KPNA1: variants seen among roughly 807,000 people sequenced by gnomAD.
KPNA1 encodes importin subunit alpha-5.
Under a neutral mutation model 70.5 loss-of-function variants are expected in KPNA1, and 10 were observed. The ratio of observed to expected loss-of-function variants is 0.14; its 90% CI spans 0.09 to 0.24. KPNA1 has a LOEUF of 0.24. KPNA1 is among the 10% of genes least tolerant of loss of function. The pLI is 1.00. For synonymous variants in KPNA1, 192 were observed against 221.9 expected, an observed-to-expected ratio of 0.87 and a Z score of 1.20; for missense variants, 397 against 637.9, an observed-to-expected ratio of 0.62 and a Z score of 4.07.
At chr3:122,454,184 GA>G (rs1386362910) in intron 5 of KPNA1, among the ~76,000 whole-genome samples, 183 bp from the exon 6 acceptor site, 1 of 152,114 alleles carries the variant, frequency 6.6e-6, no homozygotes, top group Non-Finnish European at 1.5e-5. Context: ...CAACCTAGAA[GA>G]ATATTCAGGG....
At chr3:122,498,201 T>C (rs1024734848) in intron 1 of KPNA1, among the ~76,000 whole-genome samples, 2 of 152,244 alleles carry the variant, frequency 1.3e-5, no homozygotes, top group African/African-American at 4.8e-5. Flanking sequence ...AAAATTCATA[T>C]GTTAAATCCT....
chr3:122,480,373 G>T (rs1474620175), intron 2 of KPNA1, among the ~76,000 whole-genome samples: 1 of 152,080 alleles, frequency 6.6e-6, no homozygotes, highest in Admixed American at 6.6e-5. Context: ...ATGCATGTGT[G>T]GGGGCAGAGA....
chr3:122,478,618 AG>A (rs1349947659), intron 2 of KPNA1, among the ~76,000 whole-genome samples: 1 of 151,774 alleles, frequency 6.6e-6, no homozygotes, highest in Non-Finnish European at 1.5e-5. Flanking sequence ...GCTACTCAGG[AG>A]GCTGAGGCAG....
chr3:122,494,325 G>A (rs559388850), intron 2 of KPNA1, among the ~76,000 whole-genome samples: 1 of 152,136 alleles, frequency 6.6e-6, no homozygotes, highest in South Asian at 2.1e-4. Context: ...ATATGGTAGG[G>A]GTACAGTTTC....
intron 2 of KPNA1, among the ~76,000 whole-genome samples, chr3:122,489,260 CTT>C (rs1461725356): frequency 2.0e-5 from 3 of 149,816 alleles, no homozygotes; most frequent in Admixed American, 6.7e-5. Flanking sequence ...CAAATTGAGT[CTT>C]TTTATACCTT....
intron 2 of KPNA1, among the ~76,000 whole-genome samples, chr3:122,470,410 G>A (rs555050573): frequency 7.2e-5 from 11 of 151,906 alleles, no homozygotes; most frequent in African/African-American, 1.5e-4. Context: ...TACCCAGGAA[G>A]CTGAGGCAGG....
At chr3:122,506,463 T>G (rs1316454787) in intron 1 of KPNA1, among the ~76,000 whole-genome samples, 1 of 152,226 alleles carries the variant, frequency 6.6e-6, no homozygotes, top group Non-Finnish European at 1.5e-5. Flanking sequence ...TAAAATATTT[T>G]AATAGAAATT....
intron 9 of KPNA1, among the ~76,000 whole-genome samples, chr3:122,442,557 C>A (rs2076078563): frequency 1.3e-5 from 2 of 152,238 alleles, no homozygotes; most frequent in South Asian, 4.1e-4. Context: ...CTTGAAAATG[C>A]AAGTCAGGAG....
chr3:122,490,516 C>T (rs1315546930), intron 2 of KPNA1, among the ~76,000 whole-genome samples: 4 of 152,248 alleles, frequency 2.6e-5, no homozygotes, highest in African/African-American at 4.8e-5. Context: ...TTTTCTGATA[C>T]TCAAAATACC....
intron 2 of KPNA1, 146 bp downstream of exon 2, chr3:122,496,291 G>C: frequency 1.7e-6 from 1 of 597,494 alleles, no homozygotes; most frequent in Admixed American, 3.2e-5. Flanking sequence ...CTCCAAAAAA[G>C]TGTTGATTTT....
At chr3:122,450,014 T>G (rs1286741436) in intron 8 of KPNA1, among the ~76,000 whole-genome samples, 1 of 152,170 alleles carries the variant, frequency 6.6e-6, no homozygotes, top group East Asian at 1.9e-4. Context: ...CAAAACACAT[T>G]CTTTGTGGAC....
At chr3:122,484,676 TAAAGGAAAGC>T (rs1485576356) in intron 2 of KPNA1, among the ~76,000 whole-genome samples, 20 of 149,886 alleles carry the variant, frequency 1.3e-4, no homozygotes, top group Admixed American at 1.2e-3. Flanking sequence ...ATAAATAAAA[TAAAGGAAAGC>T]AAAGGAAAGG....
intron 5 of KPNA1, among the ~76,000 whole-genome samples, chr3:122,458,145 A>G (rs372595833): frequency 6.6e-6 from 1 of 152,324 alleles, no homozygotes; most frequent in South Asian, 2.1e-4. Context: ...ATTTCTAGCT[A>G]TTTTTATAAA....
intron 2 of KPNA1, among the ~76,000 whole-genome samples, chr3:122,477,256 A>G (rs1044041883): frequency 3.9e-5 from 6 of 152,220 alleles, no homozygotes; most frequent in Non-Finnish European, 5.9e-5. Context: ...ATGGTTGTTA[A>G]TAAGTGTGGA....
intron 12 of KPNA1, 75 bp from the exon 13 acceptor site, chr3:122,427,791 C>A: frequency 1.0e-6 from 1 of 977,128 alleles, no homozygotes; most frequent in African/African-American, 1.7e-5. Flanking sequence ...AGCAAGTCAT[C>A]CTCAACTTCA....
At chr3:122,439,169 A>G in intron 10 of KPNA1, among the ~76,000 whole-genome samples, 1 of 152,198 alleles carries the variant, frequency 6.6e-6, no homozygotes, top group Non-Finnish European at 1.5e-5. Context: ...AAAGTACTGT[A>G]AGAACAGACT....
intron 1 of KPNA1, among the ~76,000 whole-genome samples, chr3:122,506,409 T>TCTTTGTTTG: frequency 6.6e-6 from 1 of 152,208 alleles, no homozygotes; most frequent in African/African-American, 2.4e-5. Flanking sequence ...AAAATATAAA[T>TCTTTGTTTG]TATTGATGTT....
chr3:122,497,443 T>C (rs9809886), intron 1 of KPNA1, among the ~76,000 whole-genome samples: 77,442 of 152,082 alleles, frequency 0.51, 20,201 homozygotes, highest in East Asian at 0.65. Flanking sequence ...GGGTTATATA[T>C]CTAAAATTGC....
At position 122,425,006 on chromosome 3, in the gene KPNA1, T is replaced by A. The variant is rs1560010406; in HGVS notation, c.*1979A>T. On this transcript the variant is annotated 3_prime_UTR_variant, in exon 14 of 14. Transcript: ENST00000344337. ...GGTCAAGTGCAGTAAACTAAAATGT[T>A]CTCTCAGCACAAAGCAGCACTAGAA... 1 of 152,766 alleles carries A rather than the reference T, an allele frequency of 6.5e-6. No individual in the cohort carries two copies. The highest frequency in any genetic ancestry group is 6.5e-5 in the Admixed American group (1 of 15,296). 9.5% of individuals were successfully genotyped at this position (152,766 alleles called of 1,614,324 possible).
Sources: gnomAD v4.1 joint callset for allele counts (sites outside exome capture counted in the v4.1 genomes callset) on GRCh38, gnomAD v4.1.1 for gene constraint, MANE v1.5 for transcripts, NCBI Gene and HGNC (gene_info 2026-07-23, HGNC 2026-07-21) for gene names.